The following PECR variants were observed in gnomAD, a reference collection of about 807,000 sequenced individuals.
PECR encodes peroxisomal trans-2-enoyl-CoA reductase, also known as 2,4-dienoyl-CoA reductase-related protein.
PECR carries 30 observed loss-of-function variants against 35.3 expected under a neutral mutation model. The ratio of observed to expected loss-of-function variants is 0.85; its 90% CI spans 0.64 to 1.15. PECR has a LOEUF of 1.15. Ranked by LOEUF, PECR falls within the 50% of genes most tolerant of loss-of-function variation. The pLI, the probability that PECR is intolerant of heterozygous loss-of-function variation, is 0.00. For missense variants in PECR, 392 were observed against 370.8 expected (o/e 1.06, Z -0.47); for synonymous variants, 148 against 138.9 (o/e 1.07, Z -0.46).
At chr2:216,050,096 C>T (rs1031068882) in intron 5 of PECR, among the ~76,000 whole-genome samples, 4 of 152,120 alleles carry the variant, frequency 2.6e-5, no homozygotes, top group Non-Finnish European at 4.4e-5. Context: ...GTGGTACCTG[C>T]CTGTGGTCCC....
intron 6 of PECR, among the ~76,000 whole-genome samples, chr2:216,047,019 G>A (rs1171747639): frequency 1.3e-5 from 2 of 152,188 alleles, no homozygotes; most frequent in African/African-American, 4.8e-5. Context: ...TATAATCCCA[G>A]CACTTTGGGA....
downstream of PECR, among the ~76,000 whole-genome samples, chr2:216,034,848 C>T (rs1040695846): frequency 2.6e-5 from 4 of 152,136 alleles, no homozygotes; most frequent in Non-Finnish European, 5.9e-5. Flanking sequence ...GTCAAGAAAA[C>T]TCAGCCAGTT....
chr2:216,052,029 A>T (rs1695126086), intron 4 of PECR, among the ~76,000 whole-genome samples: 3 of 152,170 alleles, frequency 2.0e-5, no homozygotes, highest in African/African-American at 7.2e-5. Context: ...TCTACTAAAA[A>T]TACAAAAATT....
chr2:216,065,146 A>G (rs1323340927), intron 3 of PECR, 166 bp downstream of exon 3: 2 of 668,862 alleles, frequency 3.0e-6, no homozygotes, highest in Non-Finnish European at 5.4e-6. Context: ...CATTTTATAA[A>G]TATTGCCAAA....
In PECR at chr2:216,030,956, T is replaced by TCACA. The variant is rs1219074422; in HGVS notation, c.*440+8231_*440+8234dup. ...CTCTCTCTCTCTCTCTCTCTCTCTC[T>TCACA]CACACACACACACACACACACACAC... On this transcript the variant is annotated intron_variant and NMD_transcript_variant, in intron 7 of 7. Coordinates refer to the PECR transcript ENST00000442122. Among the ~76,000 whole-genome samples the TCACA allele has an allele frequency of 3.2e-3, 365 of 113,360 alleles. 1 individual carries two copies. Among genetic ancestry groups the TCACA allele is most frequent in the African/African-American group, 6.6e-3 (174 of 26,268 alleles). 74.4% of individuals were successfully genotyped at this position (113,360 alleles called of 152,430 possible). A position where few individuals can be genotyped will look rare whatever the true frequency, so the allele number is the denominator to read the frequency against.
intron 7 of PECR, among the ~76,000 whole-genome samples, chr2:216,029,871 G>C (rs189318512): frequency 1.3e-3 from 194 of 152,316 alleles, no homozygotes; most frequent in South Asian, 3.7e-3. Context: ...TTTTACAAGA[G>C]AGGAATGTGC....
At position 216,058,930 on chromosome 2, in the gene PECR, G is replaced by T; in HGVS notation, c.471C>A (p.Ile157=). ...MKEHGGSIVN[I]IVPTKAGFPL... ...GAAATCCAGCTTTAGTAGGGACAAT[G>T]ATATTGACGATAGATCCTCCATGCT... is the stretch of plus-strand genomic sequence containing the variant. Residue 157 remains isoleucine, a synonymous_variant, in exon 4 of 8, where the codon ATC becomes ATA. Coordinates refer to ENST00000265322, the MANE Select transcript of PECR (RefSeq NM_018441.6). The T allele has an allele frequency of 6.2e-7, 1 of 1,608,376 alleles. No individual in the cohort carries two copies. The highest frequency in any genetic ancestry group is 8.5e-7 in the Non-Finnish European group (1 of 1,174,814).
At position 216,055,044 on chromosome 2, in the gene PECR, G is replaced by A. The variant is rs572777597; in HGVS notation, c.507-3499C>T. Among the ~76,000 whole-genome samples the A allele has an allele frequency of 1.5e-3, 232 of 151,710 alleles. 1 individual carries two copies. Among genetic ancestry groups the A allele is most frequent in the African/African-American group, 3.8e-3 (158 of 41,336 alleles). The stretch of plus-strand genomic sequence containing the variant: ...GGAGAATTGCTTGAACCCGGGAGGC[G>A]GAGGCTGCAGTGAGCAGAAATTGCA... On this transcript the variant is annotated intron_variant, in intron 4 of 7. Coordinates refer to ENST00000265322, the MANE Select transcript of PECR (RefSeq NM_018441.6).
At chr2:216,039,392 T>C in intron 7 of PECR, 32 bp from the exon 8 acceptor site, 1 of 1,262,398 alleles carries the variant, frequency 7.9e-7, no homozygotes, top group Non-Finnish European at 1.2e-6. Context: ...TCCTGTCACT[T>C]GCAAATCTCA....
At position 216,081,666 on chromosome 2, in the gene PECR, C is replaced by A. The variant is rs888034918; in HGVS notation, c.76G>T (p.Gly26Trp). The change falls in exon 1 of 8, where the codon GGG becomes TGG. Residue 26 changes from glycine (G) to tryptophan (W), a missense_variant. Transcript: ENST00000265322. The part of the protein sequence containing the change: ...LQGQVAIVTG[G>W]ATGIGKAIVK... ...ATGGCTTTTCCGATGCCCGTGGCCC[C>A]GCCGGTGACGATGGCCACTTGGCCC... 2 of 1,613,618 alleles carry A rather than the reference C, an allele frequency of 1.2e-6. No individual in the cohort carries two copies. The highest frequency in any genetic ancestry group is 1.7e-6 in the Non-Finnish European group (2 of 1,179,960).
chr2:216,078,597 A>G (rs542640814), intron 1 of PECR, among the ~76,000 whole-genome samples: 2 of 152,178 alleles, frequency 1.3e-5, no homozygotes, highest in African/African-American at 4.8e-5. Flanking sequence ...CAAAAAAAAA[A>G]AAAAAGAAAA....
At chr2:216,072,979 T>A (rs977229076) in intron 1 of PECR, among the ~76,000 whole-genome samples, 2 of 152,210 alleles carry the variant, frequency 1.3e-5, no homozygotes, top group African/African-American at 4.8e-5. Flanking sequence ...AAGACAATTT[T>A]AAAAACTATG....
intron 7 of PECR, among the ~76,000 whole-genome samples, chr2:216,029,805 A>G (rs1183834875): frequency 1.3e-5 from 2 of 152,230 alleles, no homozygotes; most frequent in Non-Finnish European, 2.9e-5. Context: ...TTTGACAGGG[A>G]TTCAGAGGAA....
intron 6 of PECR, among the ~76,000 whole-genome samples, chr2:216,044,479 T>C (rs1694954608): frequency 6.6e-6 from 1 of 152,234 alleles, no homozygotes; most frequent in Admixed American, 6.5e-5. Context: ...GTTTGTTCAG[T>C]CTGCGGTCCT....
Position 216,071,729 on chromosome 2 carries a change from G to C in PECR, c.125-5211C>G, listed in dbSNP as rs141671589. On this transcript the variant is annotated intron_variant, in intron 1 of 7. Transcript: ENST00000265322. ...CTGGGGCTACAGTAACGCCCTGCAA[G>C]TTAAGATGACTTTTGCCCAAAACTC... 8.1e-4 allele frequency among the ~76,000 whole-genome samples: 124 copies of C among 152,304 alleles called. 1 individual carries two copies. Among genetic ancestry groups the C allele is most frequent in the African/African-American group, 2.8e-3 (115 of 41,558 alleles).
Position 216,070,130 on chromosome 2 carries a change from A to G in PECR, c.125-3612T>C, listed in dbSNP as rs560769851. On this transcript the variant is annotated intron_variant, in intron 1 of 7. Transcript: ENST00000265322. ...AATCGAATGACTCGACACACTTCAC[A>G]TGAAAATAAAACAGTTTAATTTTCA... is the stretch of plus-strand genomic sequence containing the variant. Among the ~76,000 whole-genome samples the G allele has an allele frequency of 6.6e-5, 10 of 152,260 alleles. No individual in the cohort carries two copies. The South Asian group carries it at 1.5e-3, about 22-fold the overall frequency.
At chr2:216,031,429 A>AAAAGAAAG (rs201925622) in intron 7 of PECR, among the ~76,000 whole-genome samples, 12 of 74,642 alleles carry the variant, frequency 1.6e-4, no homozygotes, top group Admixed American at 7.1e-4. Context: ...AGAAAGAAAG[A>AAAAGAAAG]AAAGAAAGAA....
chr2:216,076,750 C>A lies in PECR; in HGVS notation c.124+4868G>T, dbSNP rs545418340. Among the ~76,000 whole-genome samples the A allele has an allele frequency of 3.2e-4, 49 of 151,354 alleles. No homozygotes were observed. In the South Asian group the frequency reaches 0.01, roughly 31 times the overall value. ...GGGAGGCAGAGGTTGCAGTGAGCTG[C>A]TGTCAAGCCACTGCACTCCAGCCTG... On this transcript the variant is annotated intron_variant, in intron 1 of 7. Transcript: ENST00000265322.
At chr2:216,037,214 A>T (rs958040190), downstream of PECR, among the ~76,000 whole-genome samples, 1 of 152,258 alleles carries the variant, frequency 6.6e-6, no homozygotes, top group African/African-American at 2.4e-5. Flanking sequence ...GATGTACATA[A>T]GAGTCCTGGA....
Sources: gnomAD v4.1 joint callset for allele counts (sites outside exome capture counted in the v4.1 genomes callset) on GRCh38, gnomAD v4.1.1 for gene constraint, MANE v1.5 for transcripts, NCBI Gene and HGNC (gene_info 2026-07-23, HGNC 2026-07-21) for gene names.